The following SPOP variants were observed in gnomAD, a reference collection of about 807,000 sequenced individuals.
SPOP encodes the protein speckle type BTB/POZ protein, also known as speckle-type POZ protein.
In SPOP, 11 loss-of-function variants were observed where a neutral mutation model predicts 45.6. The observed-to-expected ratio is 0.24, with a 90% CI of 0.15 to 0.40. The LOEUF (loss-of-function observed/expected upper bound fraction) is 0.40. Ranked by LOEUF, SPOP falls within the 10% of genes least tolerant of loss-of-function variation. The probability of loss-of-function intolerance (pLI) is 1.00; values close to 1 mark genes in which losing one functional copy is unlikely to be tolerated. For missense variants in SPOP, 152 were observed against 465.6 expected, an observed-to-expected ratio of 0.33 and a Z score of 6.20; for synonymous variants, 166 against 166.3, an observed-to-expected ratio of 1.00 and a Z score of 0.01.
chr17:49,674,577 A>C (rs1401247261), intron 1 of SPOP, among the ~76,000 whole-genome samples: 1 of 152,204 alleles, frequency 6.6e-6, no homozygotes, highest in African/African-American at 2.4e-5. Flanking sequence ...CAGCAGACTT[A>C]AAAAATGCTA....
At chr17:49,641,362 A>G (rs1265624097) in intron 1 of SPOP, among the ~76,000 whole-genome samples, 1 of 150,478 alleles carries the variant, frequency 6.6e-6, no homozygotes, top group Non-Finnish European at 1.5e-5. Flanking sequence ...GCATAAAGTC[A>G]TCTACCATCC....
intron 1 of SPOP, among the ~76,000 whole-genome samples, chr17:49,643,873 T>C (rs1287516583): frequency 6.8e-6 from 1 of 148,064 alleles, no homozygotes; most frequent in East Asian, 2.0e-4. Flanking sequence ...GAGGTTGTAG[T>C]GAGCTGAGAT....
chr17:49,636,993 A>T (rs1271140213), intron 1 of SPOP, among the ~76,000 whole-genome samples: 1 of 152,188 alleles, frequency 6.6e-6, no homozygotes, highest in African/African-American at 2.4e-5. Context: ...TGGGTGGATC[A>T]CTTGAGGCCA....
chr17:49,671,777 G>A (rs1205594504), intron 1 of SPOP, among the ~76,000 whole-genome samples: 4 of 152,126 alleles, frequency 2.6e-5, no homozygotes, highest in African/African-American at 7.2e-5. Flanking sequence ...AAGCAGAGGC[G>A]GGAGGATCAC....
At chr17:49,638,444 C>T (rs1022369001) in intron 1 of SPOP, among the ~76,000 whole-genome samples, 1 of 152,110 alleles carries the variant, frequency 6.6e-6, no homozygotes, top group Non-Finnish European at 1.5e-5. Flanking sequence ...CAAAAATTAA[C>T]TGGGCATGGT....
intron 5 of SPOP, among the ~76,000 whole-genome samples, chr17:49,616,762 A>G (rs2072095136): frequency 2.0e-5 from 3 of 152,318 alleles, no homozygotes; most frequent in African/African-American, 7.2e-5. Context: ...TGTGGCCAAC[A>G]GAGAAGTGTG....
chr17:49,646,617 G>C (rs910836345), intron 1 of SPOP: 1 of 151,792 alleles, frequency 6.6e-6, no homozygotes, highest in African/African-American at 2.4e-5. Flanking sequence ...CCAGTTAAAT[G>C]CTTTAAGCTA....
chr17:49,634,989 T>C (rs866413642), intron 1 of SPOP, among the ~76,000 whole-genome samples: 44 of 152,330 alleles, frequency 2.9e-4, no homozygotes, highest in African/African-American at 1.0e-3. Flanking sequence ...GATACTTTTC[T>C]TCCTGAAAGG....
chr17:49,670,116 G>C (rs2073118761), intron 1 of SPOP, among the ~76,000 whole-genome samples: 1 of 152,182 alleles, frequency 6.6e-6, no homozygotes, highest in South Asian at 2.1e-4. Context: ...CTCTCCCAAA[G>C]CTGCATGACC....
intron 1 of SPOP, among the ~76,000 whole-genome samples, chr17:49,657,608 A>G (rs2072931079): frequency 1.3e-5 from 2 of 151,068 alleles, no homozygotes; most frequent in African/African-American, 4.9e-5. Context: ...CATGTTGGCC[A>G]GGCTGGTCTT....
chr17:49,635,789 A>G (rs1228547963), intron 1 of SPOP, among the ~76,000 whole-genome samples: 2 of 151,416 alleles, frequency 1.3e-5, no homozygotes, highest in Non-Finnish European at 2.9e-5. Context: ...ACGTGCCACC[A>G]TGCCTGGCTA....
At chr17:49,633,455 A>G (rs1327598676) in intron 1 of SPOP, among the ~76,000 whole-genome samples, 1 of 152,168 alleles carries the variant, frequency 6.6e-6, no homozygotes, top group African/African-American at 2.4e-5. Context: ...CTTGTCCCCA[A>G]GGAGACCTTA....
At chr17:49,632,523 A>G (rs2072469486) in intron 1 of SPOP, among the ~76,000 whole-genome samples, 2 of 149,794 alleles carry the variant, frequency 1.3e-5, no homozygotes, top group South Asian at 4.2e-4. Context: ...ACAGAGTTTC[A>G]TTCTTGTTGC....
chr17:49,670,765 C>G (rs2073125784), intron 1 of SPOP, among the ~76,000 whole-genome samples: 1 of 152,128 alleles, frequency 6.6e-6, no homozygotes, highest in African/African-American at 2.4e-5. Flanking sequence ...CTGTTCCAGA[C>G]CCTGAGTTAA....
chr17:49,664,221 A>T (rs2073024186), intron 1 of SPOP, among the ~76,000 whole-genome samples: 1 of 152,222 alleles, frequency 6.6e-6, no homozygotes, highest in Non-Finnish European at 1.5e-5. Context: ...TTGTCTGAAA[A>T]GGCTATAAAA....
At chr17:49,673,025 GA>G (rs945424242) in intron 1 of SPOP, among the ~76,000 whole-genome samples, 2 of 151,952 alleles carry the variant, frequency 1.3e-5, no homozygotes, top group African/African-American at 4.8e-5. Flanking sequence ...ATATTTGGAG[GA>G]AAAAAAGAAG....
intron 8 of SPOP, among the ~76,000 whole-genome samples, chr17:49,605,289 C>T (rs570620213): frequency 6.6e-6 from 1 of 152,320 alleles, no homozygotes; most frequent in Admixed American, 6.5e-5. Flanking sequence ...AAAATGCTAA[C>T]CAGGACACTA....
chr17:49,659,437 C>G (rs1363881534), intron 1 of SPOP, among the ~76,000 whole-genome samples: 1 of 152,174 alleles, frequency 6.6e-6, no homozygotes, highest in South Asian at 2.1e-4. Context: ...CTTTATATCT[C>G]AAAGTTATCT....
rs747860563 is a variant in SPOP, at chr17:49,611,446, C to G, written c.492G>C (p.Val164=). ...KLTLFCEVSV[V]QDSVNISGQN... ...GGCCAGAAATGTTGACAGAATCTTG[C>G]ACAACACTCACCTGTGAAAGACAAG... Residue 164 remains valine (V), a synonymous_variant, in exon 6 of 10, where the codon GTG becomes GTC. Coordinates refer to ENST00000504102, the MANE Select transcript of SPOP (RefSeq NM_001007228.2). The G allele has an allele frequency of 2.5e-6, 4 of 1,614,062 alleles. No homozygotes were observed. The highest frequency in any genetic ancestry group is 3.4e-6 in the Non-Finnish European group (4 of 1,180,004).
Sources: allele counts gnomAD v4.1 joint callset (sites outside exome capture counted in the v4.1 genomes callset), GRCh38; gene constraint gnomAD v4.1.1; transcripts MANE v1.5; gene names NCBI Gene and HGNC (gene_info 2026-07-23, HGNC 2026-07-21).